The following SLC14A2 variants were observed in gnomAD, a reference collection of about 807,000 sequenced individuals.
SLC14A2 encodes the protein urea transporter 2.
Under a neutral mutation model 104.6 loss-of-function variants are expected in SLC14A2, and 91 were observed. The ratio of observed to expected loss-of-function variants is 0.87; its 90% CI spans 0.73 to 1.04. The LOEUF (loss-of-function observed/expected upper bound fraction) is 1.04, where lower values mean the gene tolerates loss of function less well. Ranked by LOEUF, SLC14A2 falls within the 50% of genes least tolerant of loss-of-function variation. The pLI is 0.00. For synonymous variants in SLC14A2, 476 were observed against 466.4 expected, an observed-to-expected ratio of 1.02 and a Z score of -0.27; for missense variants, 1,189 against 1,156.0, an observed-to-expected ratio of 1.03 and a Z score of -0.41.
intron 1 of SLC14A2, among the ~76,000 whole-genome samples, chr18:45,405,072 T>C (rs2542966): frequency 0.87 from 131,722 of 152,118 alleles, 57,003 homozygotes; most frequent in South Asian, 0.94. Context: ...CTACTAGTTG[T>C]GGCATTTTGC....
chr18:45,566,062 A>G lies in SLC14A2; in HGVS notation c.-34-58569A>G, dbSNP rs189389436. ...AAAGCATTTCTGTTGTGGAAGTAAA[A>G]ACTTTGGTTGGTTTATGAGTTGTGA... On this transcript the variant is annotated intron_variant, in intron 2 of 20. Coordinates refer to the SLC14A2 transcript ENST00000586448. Among the ~76,000 whole-genome samples, 229 of 152,314 alleles carry G rather than the reference A, an allele frequency of 1.5e-3. 1 individual carries two copies. Among genetic ancestry groups the G allele is most frequent in the Admixed American group, 6.2e-3 (95 of 15,304 alleles).
chr18:45,425,714 T>G (rs2086414749), intron 1 of SLC14A2, among the ~76,000 whole-genome samples: 1 of 152,170 alleles, frequency 6.6e-6, no homozygotes, highest in South Asian at 2.1e-4. Context: ...TGGAATTCAG[T>G]GTCAGTCAGG....
chr18:45,534,356 A>G (rs1165018760), intron 2 of SLC14A2, among the ~76,000 whole-genome samples: 1 of 152,154 alleles, frequency 6.6e-6, no homozygotes, highest in East Asian at 1.9e-4. Context: ...ATTTATAGTC[A>G]AAAGGAAAAA....
intron 1 of SLC14A2, among the ~76,000 whole-genome samples, chr18:45,371,176 C>T (rs548820946): frequency 2.6e-5 from 4 of 152,190 alleles, no homozygotes; most frequent in Admixed American, 2.6e-4. Flanking sequence ...AGACATCGCT[C>T]TACCTCAGTT....
At chr18:45,397,535 GT>G (rs1357855782) in intron 1 of SLC14A2, among the ~76,000 whole-genome samples, 1 of 152,084 alleles carries the variant, frequency 6.6e-6, no homozygotes, top group African/African-American at 2.4e-5. Flanking sequence ...TAGTAAATTT[GT>G]TTAGTTCCTT....
chr18:45,345,873 T>G (rs1002447008), intron 1 of SLC14A2, among the ~76,000 whole-genome samples: 1 of 152,170 alleles, frequency 6.6e-6, no homozygotes, highest in Non-Finnish European at 1.5e-5. Context: ...ATATTTAAAT[T>G]TACTAGGTAA....
Position 45,633,083 on chromosome 18 carries a change from TA to T in SLC14A2, c.650+606del, listed in dbSNP as rs544275659. ...AAGTCAGCATTTCCTAAGTTATTCC[TA>T]CATGCTTGACACAGTGCTAAGCAGG... On this transcript the variant is annotated intron_variant, in intron 5 of 19. Coordinates refer to ENST00000255226, the MANE Select transcript of SLC14A2 (RefSeq NM_007163.4). Among the ~76,000 whole-genome samples the T allele has an allele frequency of 1.5e-3, 236 of 152,360 alleles. 1 individual carries two copies. The highest frequency in any genetic ancestry group is 4.6e-3 in the South Asian group (22 of 4,832).
intron 1 of SLC14A2, among the ~76,000 whole-genome samples, chr18:45,372,485 G>C (rs2085733648): frequency 1.3e-5 from 2 of 152,158 alleles, no homozygotes; most frequent in Non-Finnish European, 2.9e-5. Flanking sequence ...TTGTCATTCA[G>C]GGAGTTACTG....
At chr18:45,387,227 A>T (rs541040716) in intron 1 of SLC14A2, among the ~76,000 whole-genome samples, 22 of 152,226 alleles carry the variant, frequency 1.4e-4, no homozygotes, top group Non-Finnish European at 2.1e-4. Context: ...TATGCTACTT[A>T]TATCAGTCAA....
chr18:45,305,130 G>A (rs866192059), intron 1 of SLC14A2, among the ~76,000 whole-genome samples: 1 of 152,208 alleles, frequency 6.6e-6, no homozygotes, highest in African/African-American at 2.4e-5. Context: ...ATGGGGCTGG[G>A]AAGGCCAAAG....
chr18:45,420,397 T>C (rs1320089499), intron 1 of SLC14A2, among the ~76,000 whole-genome samples: 3 of 152,118 alleles, frequency 2.0e-5, no homozygotes, highest in African/African-American at 7.2e-5. Context: ...TTATACAAGG[T>C]GTGAACTCCA....
intron 1 of SLC14A2, among the ~76,000 whole-genome samples, chr18:45,421,507 A>G (rs1165266563): frequency 6.6e-6 from 1 of 152,238 alleles, no homozygotes; most frequent in African/African-American, 2.4e-5. Context: ...AGGGTTCATC[A>G]GAACATCTTG....
intron 2 of SLC14A2, among the ~76,000 whole-genome samples, chr18:45,511,231 AC>A (rs1276155699): frequency 6.6e-6 from 1 of 152,084 alleles, no homozygotes; most frequent in Non-Finnish European, 1.5e-5. Flanking sequence ...TTATTATTTC[AC>A]TATTTACTCT....
chr18:45,492,048 T>C (rs2043011624), intron 2 of SLC14A2: 1 of 152,276 alleles, frequency 6.6e-6, no homozygotes, highest in African/African-American at 2.4e-5. Context: ...ACCTTTCTGT[T>C]CTGCCATTCC....
At chr18:45,463,839 T>C (rs532857337) in intron 1 of SLC14A2, among the ~76,000 whole-genome samples, 1 of 152,266 alleles carries the variant, frequency 6.6e-6, no homozygotes, top group East Asian at 1.9e-4. Flanking sequence ...TCGTTGAACA[T>C]GATTAAGCAC....
At chr18:45,595,833 C>T (rs1378947468) in intron 2 of SLC14A2, among the ~76,000 whole-genome samples, 1 of 152,202 alleles carries the variant, frequency 6.6e-6, no homozygotes, top group East Asian at 1.9e-4. Flanking sequence ...CTTGAACGTC[C>T]TTGTTCAACT....
At chr18:45,367,519 T>C (rs1465248592) in intron 1 of SLC14A2, among the ~76,000 whole-genome samples, 8 of 152,222 alleles carry the variant, frequency 5.3e-5, no homozygotes, top group African/African-American at 1.9e-4. Context: ...GCAAGCAGAC[T>C]GGAACATCAT....
chr18:45,498,827 AG>A, intron 2 of SLC14A2, among the ~76,000 whole-genome samples: 1 of 152,312 alleles, frequency 6.6e-6, no homozygotes, highest in Non-Finnish European at 1.5e-5. Context: ...CAGGTTGTAA[AG>A]AAAGGTTTCT....
At chr18:45,613,530 T>G (rs890852178), upstream of SLC14A2, among the ~76,000 whole-genome samples, 8 of 152,236 alleles carry the variant, frequency 5.3e-5, no homozygotes, top group African/African-American at 1.9e-4. Flanking sequence ...TGAATGATTT[T>G]GACCAAAATG....
Sources: allele counts gnomAD v4.1 joint callset (sites outside exome capture counted in the v4.1 genomes callset), GRCh38; gene constraint gnomAD v4.1.1; transcripts MANE v1.5; gene names NCBI Gene and HGNC (gene_info 2026-07-23, HGNC 2026-07-21).